Variants in NKAIN3 observed in about 807,000 individuals in gnomAD.
The protein encoded by NKAIN3 is sodium/potassium-transporting ATPase subunit beta-1-interacting protein 3.
NKAIN3 carries 25 observed loss-of-function variants against 30.2 expected under a neutral mutation model. The observed-to-expected ratio is 0.83, with a 90% CI of 0.60 to 1.16. The LOEUF is 1.16. NKAIN3 is among the 50% of genes most tolerant of loss of function. The pLI, the probability that NKAIN3 is intolerant of heterozygous loss-of-function variation, is 0.00. For missense variants in NKAIN3, 225 were observed against 254.1 expected, an observed-to-expected ratio of 0.89 and a Z score of 0.78; for synonymous variants, 91 against 89.6, an observed-to-expected ratio of 1.02 and a Z score of -0.09.
intron 4 of NKAIN3, among the ~76,000 whole-genome samples, chr8:62,906,450 A>G (rs1821781684): frequency 6.6e-6 from 1 of 152,290 alleles, no homozygotes; most frequent in Non-Finnish European, 1.5e-5. Context: ...GATTTCAGAG[A>G]GTCATTTTGA....
At chr8:62,861,747 C>G (rs1426589491) in intron 4 of NKAIN3, among the ~76,000 whole-genome samples, 25 of 152,180 alleles carry the variant, frequency 1.6e-4, no homozygotes, top group Non-Finnish European at 1.5e-5. Context: ...TACGGAAGGG[C>G]TCCATCTACC....
At chr8:62,671,024 T>C (rs890634400) in intron 3 of NKAIN3, among the ~76,000 whole-genome samples, 1 of 152,164 alleles carries the variant, frequency 6.6e-6, no homozygotes, top group African/African-American at 2.4e-5. Context: ...GATGTTTTTA[T>C]GTAAAAAAGA....
At chr8:62,306,575 TGTTG>T (rs1355566701) in intron 1 of NKAIN3, among the ~76,000 whole-genome samples, 1 of 133,328 alleles carries the variant, frequency 7.5e-6, no homozygotes, top group Non-Finnish European at 1.6e-5. Context: ...TGTGTGTGTG[TGTTG>T]TGTGTGTGTT....
At chr8:62,747,805 G>T (rs564895615) in intron 4 of NKAIN3, among the ~76,000 whole-genome samples, 1 of 152,242 alleles carries the variant, frequency 6.6e-6, no homozygotes, top group African/African-American at 2.4e-5. Flanking sequence ...GACCCGAAAA[G>T]GACTTATCAT....
intron 4 of NKAIN3, among the ~76,000 whole-genome samples, chr8:62,812,917 G>T (rs1225517238): frequency 6.6e-6 from 1 of 151,790 alleles, no homozygotes; most frequent in Non-Finnish European, 1.5e-5. Context: ...TAAAATTATT[G>T]ACACATCTTA....
chr8:62,493,573 A>G (rs909068697), intron 1 of NKAIN3, among the ~76,000 whole-genome samples: 2 of 152,046 alleles, frequency 1.3e-5, no homozygotes, highest in Non-Finnish European at 2.9e-5. Flanking sequence ...GTCATCAGTA[A>G]TTTGATAGAA....
At chr8:62,995,682 T>C (rs1804095925) in intron 5 of NKAIN3, among the ~76,000 whole-genome samples, 1 of 99,020 alleles carries the variant, frequency 1.0e-5, no homozygotes, top group Admixed American at 1.1e-4. Context: ...AAAGGCTAGA[T>C]GACATAAGAA....
intron 5 of NKAIN3, chr8:62,990,266 A>G (rs1824294697): frequency 3.3e-6 from 5 of 1,513,436 alleles, no homozygotes; most frequent in Non-Finnish European, 4.5e-6. Flanking sequence ...AAATTGTCAC[A>G]TCAGTCAAGC....
At chr8:62,345,472 T>TAC (rs373494557) in intron 1 of NKAIN3, among the ~76,000 whole-genome samples, 107,999 of 123,720 alleles carry the variant, frequency 0.87, 48,662 homozygotes, top group South Asian at 0.93. Flanking sequence ...TACACATATA[T>TAC]ACACATATAT....
intron 1 of NKAIN3, among the ~76,000 whole-genome samples, chr8:62,418,568 C>T (rs1314360525): frequency 6.6e-6 from 1 of 152,104 alleles, no homozygotes; most frequent in Admixed American, 6.5e-5. Context: ...TCTAGATTCC[C>T]TTCACCCTTA....
chr8:62,938,728 A>G (rs1464326038), intron 5 of NKAIN3, among the ~76,000 whole-genome samples: 1 of 152,184 alleles, frequency 6.6e-6, no homozygotes, highest in Non-Finnish European at 1.5e-5. Flanking sequence ...GCAGCACCCC[A>G]TGAAACAAAA....
intron 5 of NKAIN3, among the ~76,000 whole-genome samples, chr8:62,995,675 G>A (rs977829044): frequency 2.1e-5 from 3 of 145,220 alleles, no homozygotes; most frequent in African/African-American, 7.6e-5. Context: ...AAGGAAAAAA[G>A]GCTAGATGAC....
chr8:62,280,734 C>T (rs1184159022), intron 1 of NKAIN3, among the ~76,000 whole-genome samples: 2 of 152,150 alleles, frequency 1.3e-5, no homozygotes, highest in Admixed American at 6.5e-5. Flanking sequence ...CCAACTTGAT[C>T]GTGGTGGATA....
chr8:62,930,986 C>T (rs370207314), intron 5 of NKAIN3, among the ~76,000 whole-genome samples: 5 of 152,208 alleles, frequency 3.3e-5, no homozygotes, highest in South Asian at 2.1e-4. Flanking sequence ...GGATTACAGG[C>T]GTAAGCCACC....
chr8:62,988,449 G>A (rs891575486), downstream of NKAIN3, among the ~76,000 whole-genome samples: 3 of 152,254 alleles, frequency 2.0e-5, no homozygotes, highest in African/African-American at 7.2e-5. Context: ...TACATCCTCT[G>A]AAATCTAGAT....
chr8:62,468,593 A>G (rs1806231389), intron 1 of NKAIN3, among the ~76,000 whole-genome samples: 1 of 152,210 alleles, frequency 6.6e-6, no homozygotes, highest in African/African-American at 2.4e-5. Flanking sequence ...AAGTTTCTTC[A>G]TTGTTGTTCT....
At chr8:62,379,343 T>A (rs1019896824) in intron 1 of NKAIN3, among the ~76,000 whole-genome samples, 2 of 152,212 alleles carry the variant, frequency 1.3e-5, no homozygotes, top group Non-Finnish European at 2.9e-5. Flanking sequence ...AATACTGGAA[T>A]GAGTTAAGAC....
At chr8:62,427,851 C>T (rs1477598645) in intron 1 of NKAIN3, among the ~76,000 whole-genome samples, 1 of 151,902 alleles carries the variant, frequency 6.6e-6, no homozygotes, top group Non-Finnish European at 1.5e-5. Flanking sequence ...GGAAACATTA[C>T]ATATTTTCTC....
At chr8:62,741,412 AAG>A (rs1563540769) in intron 3 of NKAIN3, among the ~76,000 whole-genome samples, 9 of 133,848 alleles carry the variant, frequency 6.7e-5, no homozygotes, top group Admixed American at 2.2e-4. Context: ...GGAAGGAAGG[AAG>A]GAAGGAAGGC....
Sources: gnomAD v4.1 joint callset for allele counts (sites outside exome capture counted in the v4.1 genomes callset) on GRCh38, gnomAD v4.1.1 for gene constraint, MANE v1.5 for transcripts, NCBI Gene and HGNC (gene_info 2026-07-23, HGNC 2026-07-21) for gene names.